PDE1C: variants seen among roughly 807,000 people sequenced by gnomAD.
PDE1C encodes the protein phosphodiesterase 1C.
PDE1C carries 62 observed loss-of-function variants against 93.1 expected under a neutral mutation model. The observed-to-expected ratio is 0.67, with a 90% CI of 0.54 to 0.82. The LOEUF is 0.82. Ranked by LOEUF, PDE1C falls within the 40% of genes least tolerant of loss-of-function variation. The pLI is 0.00. For missense variants in PDE1C, 742 were observed against 884.6 expected (o/e 0.84, Z 2.04); for synonymous variants, 325 against 310.1 (o/e 1.05, Z -0.50).
intron 2 of PDE1C, among the ~76,000 whole-genome samples, chr7:31,901,323 A>G (rs1198515185): frequency 6.6e-6 from 1 of 151,676 alleles, no homozygotes; most frequent in African/African-American, 2.4e-5. Context: ...ATACACAAAA[A>G]TAAGTATCTT....
chr7:32,298,898 C>A, exon 1 of PDE1C: 1 of 1,366,058 alleles, frequency 7.3e-7, no homozygotes, highest in Non-Finnish European at 9.4e-7. Flanking sequence ...CGCCTGGAGA[C>A]AACAGCGGGG....
intron 2 of PDE1C, among the ~76,000 whole-genome samples, chr7:31,910,527 A>G (rs1801092790): frequency 6.6e-6 from 1 of 152,212 alleles, no homozygotes; most frequent in South Asian, 2.1e-4. Flanking sequence ...CCAAGAAGAG[A>G]CTTTTCAAAA....
chr7:32,269,226 T>C (rs1810800938), intron 1 of PDE1C, among the ~76,000 whole-genome samples: 1 of 151,912 alleles, frequency 6.6e-6, no homozygotes. Context: ...CACCTGAGGA[T>C]GTTGTGAAAA....
At chr7:32,095,520 TG>T (rs1797704891) in intron 3 of PDE1C, among the ~76,000 whole-genome samples, 1 of 152,188 alleles carries the variant, frequency 6.6e-6, no homozygotes, top group Non-Finnish European at 1.5e-5. Context: ...GTATATGGGT[TG>T]GCCAGAATCA....
At chr7:32,383,586 T>C (rs1232078357) in intron 1 of PDE1C, among the ~76,000 whole-genome samples, 1 of 152,190 alleles carries the variant, frequency 6.6e-6, no homozygotes, top group Non-Finnish European at 1.5e-5. Flanking sequence ...CTGTTCTATG[T>C]TAGAGACAGT....
chr7:31,711,141 G>T, the PDE1C span, among the ~76,000 whole-genome samples: 1 of 152,120 alleles, frequency 6.6e-6, no homozygotes, highest in Non-Finnish European at 1.5e-5. Context: ...TGGAAAATGT[G>T]GCTCTTCCAT....
chr7:31,742,065 A>G, the PDE1C span, among the ~76,000 whole-genome samples: 6 of 152,212 alleles, frequency 3.9e-5, no homozygotes, highest in South Asian at 2.1e-4. Flanking sequence ...AATTTGACCA[A>G]TATTATTGAA....
chr7:31,881,540 C>T (rs966731995), intron 2 of PDE1C, among the ~76,000 whole-genome samples: 1 of 152,264 alleles, frequency 6.6e-6, no homozygotes, highest in African/African-American at 2.4e-5. Context: ...ACTTAGTATT[C>T]ATGAGAACAA....
chr7:32,222,158 A>G (rs1806914340), intron 1 of PDE1C, among the ~76,000 whole-genome samples: 1 of 152,192 alleles, frequency 6.6e-6, no homozygotes, highest in Non-Finnish European at 1.5e-5. Context: ...ACTCATGCAC[A>G]CAAACACACC....
intron 1 of PDE1C, among the ~76,000 whole-genome samples, chr7:32,324,411 A>C (rs1206643610): frequency 6.6e-6 from 1 of 152,200 alleles, no homozygotes; most frequent in Non-Finnish European, 1.5e-5. Context: ...CACTTACCCT[A>C]GCAACAAGCT....
chr7:31,998,315 A>G lies in PDE1C; in HGVS notation c.128+53239T>C, dbSNP rs749393867. On this transcript the variant is annotated intron_variant, in intron 2 of 17. Coordinates refer to ENST00000396191, the MANE Select transcript of PDE1C (RefSeq NM_001191057.4). ...ATTACAAGTGTGAGCCACCACACCC[A>G]GCCAGAAACGTCTTATTTTTAATAG... Among the ~76,000 whole-genome samples the G allele has an allele frequency of 6.3e-4, 96 of 152,288 alleles. 1 individual carries two copies. The highest frequency in any genetic ancestry group is 1.9e-3 in the East Asian group (10 of 5,176).
At chr7:31,628,315 G>A in the PDE1C span, among the ~76,000 whole-genome samples, 6,220 of 152,202 alleles carry the variant, frequency 0.041, 353 homozygotes, top group African/African-American at 0.13. Flanking sequence ...GGTAACAGGG[G>A]CAAGGAAGGA....
chr7:31,900,589 C>T (rs1799848028), intron 2 of PDE1C, among the ~76,000 whole-genome samples: 1 of 151,470 alleles, frequency 6.6e-6, no homozygotes, highest in South Asian at 2.1e-4. Context: ...CAAAAATGTA[C>T]TAGATATCCA....
At chr7:32,034,683 C>A (rs1010993632) in intron 2 of PDE1C, among the ~76,000 whole-genome samples, 1 of 152,122 alleles carries the variant, frequency 6.6e-6, no homozygotes, top group African/African-American at 2.4e-5. Context: ...ATAATCCCAC[C>A]TTTGTCACTA....
intron 17 of PDE1C, among the ~76,000 whole-genome samples, chr7:31,768,848 T>G (rs1270966989): frequency 6.6e-6 from 1 of 151,710 alleles, no homozygotes; most frequent in Non-Finnish European, 1.5e-5. Flanking sequence ...CAGGCTGGAG[T>G]TCAATGGTAC....
intron 2 of PDE1C, among the ~76,000 whole-genome samples, chr7:31,998,184 T>TG (rs1324769911): frequency 7.9e-5 from 12 of 152,058 alleles, no homozygotes; most frequent in South Asian, 2.1e-4. Flanking sequence ...TATGCCCAGC[T>TG]AATTTTTTGT....
intron 2 of PDE1C, among the ~76,000 whole-genome samples, chr7:31,936,226 G>C (rs912511684): frequency 2.6e-5 from 4 of 152,102 alleles, no homozygotes; most frequent in African/African-American, 9.7e-5. Flanking sequence ...GCAGGGAATG[G>C]TCCATAAAAC....
chr7:32,179,385 T>C (rs1388026352), intron 2 of PDE1C, among the ~76,000 whole-genome samples: 2 of 151,578 alleles, frequency 1.3e-5, no homozygotes, highest in East Asian at 3.9e-4. Context: ...TTCAGCCTCC[T>C]GAGCAGCTGA....
At chr7:32,231,464 G>C (rs1351723293) in intron 1 of PDE1C, among the ~76,000 whole-genome samples, 1 of 152,042 alleles carries the variant, frequency 6.6e-6, no homozygotes, top group Non-Finnish European at 1.5e-5. Flanking sequence ...GATTCAAAAA[G>C]AGATGGAAAT....
Sources: allele counts gnomAD v4.1 joint callset (sites outside exome capture counted in the v4.1 genomes callset), GRCh38; gene constraint gnomAD v4.1.1; transcripts MANE v1.5; gene names NCBI Gene and HGNC (gene_info 2026-07-23, HGNC 2026-07-21).